The following SH3RF3 variants were observed in gnomAD, a reference collection of about 807,000 sequenced individuals.
The protein encoded by SH3RF3 is E3 ubiquitin-protein ligase SH3RF3.
In SH3RF3, 29 loss-of-function variants were observed where a neutral mutation model predicts 66.3. That is an observed-to-expected ratio of 0.44 (90% CI 0.33 to 0.60). The LOEUF is 0.60. Ranked by LOEUF, SH3RF3 falls within the 20% of genes least tolerant of loss-of-function variation. The pLI, the probability that SH3RF3 is intolerant of heterozygous loss-of-function variation, is 0.04. For missense variants in SH3RF3, 1,194 were observed against 1,190.9 expected, an observed-to-expected ratio of 1.00 and a Z score of -0.04; for synonymous variants, 583 against 532.0, an observed-to-expected ratio of 1.10 and a Z score of -1.32.
At chr2:109,287,184 G>T (rs937569672) in intron 1 of SH3RF3, among the ~76,000 whole-genome samples, 1 of 152,118 alleles carries the variant, frequency 6.6e-6, no homozygotes, top group Non-Finnish European at 1.5e-5. Context: ...ACAGAATTTT[G>T]CATCCAAAAT....
chr2:109,323,730 G>A lies in SH3RF3; in HGVS notation c.574-23944G>A, dbSNP rs116761176. Among the ~76,000 whole-genome samples the A allele has an allele frequency of 8.6e-3, 1,317 of 152,348 alleles. 17 individuals carry two copies. Among genetic ancestry groups the A allele is most frequent in the African/African-American group, 0.03 (1,259 of 41,578 alleles). Reference sequence around the variant, plus strand: ...CCTGCTCTTCCACCCTCCTGTAAGAGTGGGCATGAGGATGCTTCTCTAAGC... The same window carrying A: ...CCTGCTCTTCCACCCTCCTGTAAGAATGGGCATGAGGATGCTTCTCTAAGC... On this transcript the variant is annotated intron_variant, in intron 1 of 9. Coordinates refer to ENST00000309415, the MANE Select transcript of SH3RF3 (RefSeq NM_001099289.3).
intron 6 of SH3RF3, among the ~76,000 whole-genome samples, chr2:109,436,374 A>G (rs1454686952): frequency 6.6e-6 from 1 of 152,090 alleles, no homozygotes; most frequent in East Asian, 1.9e-4. Flanking sequence ...AAGGGCATCT[A>G]TTTCTGGTAT....
intron 1 of SH3RF3, among the ~76,000 whole-genome samples, chr2:109,166,161 T>C (rs1677616354): frequency 6.6e-6 from 1 of 152,126 alleles, no homozygotes; most frequent in African/African-American, 2.4e-5. Flanking sequence ...GGTTGGCTTT[T>C]TCCCTCAGTG....
At chr2:109,175,862 TGCATC>T (rs1677902362) in intron 1 of SH3RF3, among the ~76,000 whole-genome samples, 1 of 152,256 alleles carries the variant, frequency 6.6e-6, no homozygotes. Context: ...CTTTTAGTTT[TGCATC>T]TTAATTATTT....
chr2:109,281,318 T>TC (rs770761393), intron 1 of SH3RF3, among the ~76,000 whole-genome samples: 24 of 152,144 alleles, frequency 1.6e-4, no homozygotes, highest in Non-Finnish European at 7.4e-5. Flanking sequence ...GCCTCTTCCT[T>TC]CCCCGGGCCC....
intron 1 of SH3RF3, among the ~76,000 whole-genome samples, chr2:109,297,422 C>G (rs570819084): frequency 1.3e-5 from 2 of 152,134 alleles, no homozygotes; most frequent in Non-Finnish European, 2.9e-5. Context: ...CTGCAAGAGG[C>G]CTGTGTACCC....
At chr2:109,216,005 T>C (rs1391019798) in intron 1 of SH3RF3, among the ~76,000 whole-genome samples, 1 of 152,148 alleles carries the variant, frequency 6.6e-6, no homozygotes, top group Non-Finnish European at 1.5e-5. Flanking sequence ...AATTTTCCCA[T>C]GGCCATGACT....
chr2:109,315,395 A>G (rs968127030), intron 1 of SH3RF3, among the ~76,000 whole-genome samples: 1 of 152,258 alleles, frequency 6.6e-6, no homozygotes, highest in African/African-American at 2.4e-5. Flanking sequence ...TTCAAAACAA[A>G]GTAAACCTCT....
Position 109,197,107 on chromosome 2 carries a change from G to C in SH3RF3, c.573+66994G>C, listed in dbSNP as rs138513037. On this transcript the variant is annotated intron_variant, in intron 1 of 9. Transcript: ENST00000309415. The stretch of plus-strand genomic sequence containing the variant: ...GAACTGGCCCAAGGCAACACAGCTA[G>C]TAGAGGCAGAGGTTGGGTTTGAACC... Among the ~76,000 whole-genome samples the C allele has an allele frequency of 7.9e-3, 1,204 of 152,324 alleles. 11 individuals carry two copies. The highest frequency in any genetic ancestry group is 0.036 in the East Asian group (187 of 5,178).
intron 1 of SH3RF3, among the ~76,000 whole-genome samples, chr2:109,195,615 G>A (rs959905347): frequency 3.3e-5 from 5 of 152,174 alleles, no homozygotes; most frequent in African/African-American, 1.2e-4. Flanking sequence ...TCGTTTTCTG[G>A]AAGGATGCCT....
At chr2:109,365,782 T>C (rs1340339121) in intron 2 of SH3RF3, among the ~76,000 whole-genome samples, 1 of 152,240 alleles carries the variant, frequency 6.6e-6, no homozygotes, top group African/African-American at 2.4e-5. Context: ...GTATCTGTGG[T>C]CCCGGCTGTC....
At chr2:109,341,028 T>G (rs796567754) in intron 1 of SH3RF3, among the ~76,000 whole-genome samples, 1 of 152,238 alleles carries the variant, frequency 6.6e-6, no homozygotes, top group African/African-American at 2.4e-5. Flanking sequence ...AGCTTAGTAG[T>G]GGCCTCGTCA....
chr2:109,272,703 G>A (rs1403830788), intron 1 of SH3RF3, among the ~76,000 whole-genome samples: 2 of 152,242 alleles, frequency 1.3e-5, no homozygotes, highest in Non-Finnish European at 2.9e-5. Context: ...AGGCTGGGCT[G>A]TGTGTGGTCA....
At chr2:109,143,188 C>A (rs1268699629) in intron 1 of SH3RF3, among the ~76,000 whole-genome samples, 3 of 151,974 alleles carry the variant, frequency 2.0e-5, no homozygotes, top group Non-Finnish European at 4.4e-5. Context: ...TCAAGTGGTG[C>A]ATATAGAAAA....
At chr2:109,251,787 A>G in intron 1 of SH3RF3, 1 of 520,900 alleles carries the variant, frequency 1.9e-6, no homozygotes, top group South Asian at 2.4e-5. Flanking sequence ...AAAAAGAATT[A>G]GATAATACTA....
chr2:109,186,646 G>C (rs1236573158), intron 1 of SH3RF3, among the ~76,000 whole-genome samples: 4 of 152,092 alleles, frequency 2.6e-5, no homozygotes, highest in Non-Finnish European at 5.9e-5. Flanking sequence ...TTGGGATGGA[G>C]CCCCCTAGGA....
At chr2:109,381,966 A>G (rs1675690307) in intron 3 of SH3RF3, among the ~76,000 whole-genome samples, 1 of 151,994 alleles carries the variant, frequency 6.6e-6, no homozygotes, top group Non-Finnish European at 1.5e-5. Context: ...AATGAGGTGG[A>G]ATTTGGCTCT....
chr2:109,292,952 G>A (rs773012682), intron 1 of SH3RF3, among the ~76,000 whole-genome samples: 19 of 152,120 alleles, frequency 1.2e-4, no homozygotes, highest in Admixed American at 1.2e-3. Flanking sequence ...GGCTGGTCTC[G>A]AACTCCTGAC....
At chr2:109,484,950 T>C (rs1332954267) in intron 8 of SH3RF3, among the ~76,000 whole-genome samples, 1 of 152,236 alleles carries the variant, frequency 6.6e-6, no homozygotes, top group Non-Finnish European at 1.5e-5. Context: ...GGAGTTAAAG[T>C]GTACGATTGT....
Sources: gnomAD v4.1 joint callset for allele counts (sites outside exome capture counted in the v4.1 genomes callset) on GRCh38, gnomAD v4.1.1 for gene constraint, MANE v1.5 for transcripts, NCBI Gene and HGNC (gene_info 2026-07-23, HGNC 2026-07-21) for gene names.